The following IQSEC1 variants were observed in gnomAD, a reference collection of about 807,000 sequenced individuals.
The protein encoded by IQSEC1 is IQ motif and SEC7 domain-containing protein 1.
IQSEC1 carries 31 observed loss-of-function variants against 91.0 expected under a neutral mutation model. The ratio of observed to expected loss-of-function variants is 0.34; its 90% confidence interval spans 0.26 to 0.46. The LOEUF is 0.46. Among genes scored for constraint, IQSEC1 ranks in the 20% least tolerant of loss-of-function variants. The pLI, the probability that IQSEC1 is intolerant of heterozygous loss-of-function variation, is 1.00. For missense variants in IQSEC1, 1,388 were observed against 1,575.6 expected (o/e 0.88, Z 2.02); for synonymous variants, 699 against 662.6 (o/e 1.05, Z -0.84).
chr3:13,222,947 C>T (rs1271317595), intron 1 of IQSEC1, among the ~76,000 whole-genome samples: 1 of 152,258 alleles, frequency 6.6e-6, no homozygotes, highest in Non-Finnish European at 1.5e-5. Context: ...GACTCAGCTC[C>T]AGCCCCTCAG....
chr3:12,907,912 C>T (rs1403873319), intron 12 of IQSEC1, among the ~76,000 whole-genome samples: 1 of 152,144 alleles, frequency 6.6e-6, no homozygotes, highest in Non-Finnish European at 1.5e-5. Flanking sequence ...AAAGCAAGAC[C>T]GGGGACAGTG....
At chr3:12,918,500 TGCA>T (rs904202777) in intron 6 of IQSEC1, among the ~76,000 whole-genome samples, 3 of 151,914 alleles carry the variant, frequency 2.0e-5, no homozygotes, top group Non-Finnish European at 2.9e-5. Context: ...CCAGATGACG[TGCA>T]GGAGGTTCTA....
intron 1 of IQSEC1, among the ~76,000 whole-genome samples, chr3:12,977,585 A>T (rs921188785): frequency 6.6e-6 from 1 of 152,230 alleles, no homozygotes; most frequent in Non-Finnish European, 1.5e-5. Flanking sequence ...CCGGGGCTGC[A>T]TTCCTGGTAG....
At chr3:13,267,621 CTTT>C (rs559615780) in intron 1 of IQSEC1, among the ~76,000 whole-genome samples, 5 of 134,616 alleles carry the variant, frequency 3.7e-5, no homozygotes, top group Admixed American at 7.5e-5. Flanking sequence ...TTTTCTTTTT[CTTT>C]TTTTTTTTTT....
Position 12,983,952 on chromosome 3 carries a change from GC to G in IQSEC1, c.24-42088del, listed in dbSNP as rs1249195937. On this transcript the variant is annotated intron_variant, in intron 1 of 13. Transcript: ENST00000613206. This position sits in a 1 kb window ranked among gnomAD's most constrained non-coding sequence, Gnocchi z 4.3. ...CAAGGGGGCAGGCAGAGAGGTAAGG[GC>G]CTTTCATACGTGGGTTCTGGGGGAT... Among the ~76,000 whole-genome samples, 1 of 152,178 alleles carries G rather than the reference GC, an allele frequency of 6.6e-6. No homozygotes were observed. Among genetic ancestry groups the G allele is most frequent in the Non-Finnish European group, 1.5e-5 (1 of 68,022 alleles).
chr3:13,160,395 A>G (rs1172970868), intron 2 of IQSEC1, among the ~76,000 whole-genome samples: 1 of 152,154 alleles, frequency 6.6e-6, no homozygotes, highest in African/African-American at 2.4e-5. Flanking sequence ...TCCTGGCCTC[A>G]AATGATCTTC....
At chr3:13,055,017 C>G (rs1487853710) in intron 1 of IQSEC1, among the ~76,000 whole-genome samples, 1 of 152,216 alleles carries the variant, frequency 6.6e-6, no homozygotes, top group African/African-American at 2.4e-5. Flanking sequence ...CCTCCCAAGC[C>G]CTCAGAAGGC....
intron 1 of IQSEC1, chr3:13,022,179 G>A (rs995648787): frequency 8.1e-7 from 1 of 1,231,366 alleles, no homozygotes; most frequent in African/African-American, 1.6e-5. Context: ...CCTGGCCAGG[G>A]AACGGCTCTC....
Position 13,258,868 on chromosome 3 carries a change from G to A in IQSEC1, c.272+23843C>T, listed in dbSNP as rs1283568793. On this transcript the variant is annotated intron_variant, in intron 1 of 15. Transcript: ENST00000648114. ...GCACCAGTAACCTCCAGGAACCTAG[G>A]GAACCCCAGGATTCCACAGCATCAC... Among the ~76,000 whole-genome samples, 6 of 151,962 alleles carry A rather than the reference G, an allele frequency of 3.9e-5. No homozygotes were observed. In the East Asian group the frequency reaches 1.2e-3, roughly 29 times the overall value.
intron 1 of IQSEC1, among the ~76,000 whole-genome samples, chr3:12,964,011 G>T (rs919840743): frequency 6.6e-6 from 1 of 152,198 alleles, no homozygotes; most frequent in Non-Finnish European, 1.5e-5. Context: ...TGCTAGGCAG[G>T]CATCGGGGTA....
At chr3:13,089,532 C>T (rs1008122082) in intron 2 of IQSEC1, among the ~76,000 whole-genome samples, 4 of 152,152 alleles carry the variant, frequency 2.6e-5, no homozygotes, top group South Asian at 2.1e-4. Context: ...CTTCAGTGAG[C>T]TGTGTTTGTG....
intron 1 of IQSEC1, among the ~76,000 whole-genome samples, chr3:12,974,746 A>G (rs1339786664): frequency 1.3e-5 from 2 of 152,186 alleles, no homozygotes; most frequent in Non-Finnish European, 2.9e-5. Flanking sequence ...TGACGATCAA[A>G]AATGCCCCCA....
At chr3:13,060,866 G>A (rs201007668) in intron 1 of IQSEC1, among the ~76,000 whole-genome samples, 2 of 152,322 alleles carry the variant, frequency 1.3e-5, no homozygotes, top group East Asian at 3.9e-4. Flanking sequence ...CCAGGCCCCA[G>A]GCCTGATATC....
At chr3:12,929,029 C>T (rs1697408420) in intron 3 of IQSEC1, among the ~76,000 whole-genome samples, 1 of 152,142 alleles carries the variant, frequency 6.6e-6, no homozygotes, top group Non-Finnish European at 1.5e-5. Context: ...GAGAGGGATA[C>T]AGACGGAGAT....
At chr3:13,057,895 G>T (rs1012550783) in intron 1 of IQSEC1, among the ~76,000 whole-genome samples, 3 of 152,240 alleles carry the variant, frequency 2.0e-5, no homozygotes, top group Admixed American at 1.3e-4. Context: ...CTGCCCCCAG[G>T]CTCCCTGCAG....
At chr3:13,125,168 T>C (rs1185953659) in intron 2 of IQSEC1, among the ~76,000 whole-genome samples, 3 of 152,168 alleles carry the variant, frequency 2.0e-5, no homozygotes, top group African/African-American at 7.2e-5. Flanking sequence ...TCATCTGTCT[T>C]CCACATCCTT....
chr3:13,086,732 A>G (rs1283635567), intron 2 of IQSEC1, among the ~76,000 whole-genome samples: 12 of 152,090 alleles, frequency 7.9e-5, no homozygotes, highest in Non-Finnish European at 1.0e-4. Context: ...CTCTCTCTTC[A>G]GGTCTCAGCT....
intron 1 of IQSEC1, among the ~76,000 whole-genome samples, chr3:13,058,811 A>C (rs1704966287): frequency 6.6e-6 from 1 of 152,204 alleles, no homozygotes; most frequent in Non-Finnish European, 1.5e-5. Flanking sequence ...AGTGTTCCCC[A>C]TGCATCTGTC....
intron 1 of IQSEC1, among the ~76,000 whole-genome samples, chr3:13,213,536 A>T (rs1694483870): frequency 6.6e-6 from 1 of 152,178 alleles, no homozygotes; most frequent in African/African-American, 2.4e-5. Context: ...GAATCAGCTC[A>T]TCACCCACGT....
Sources: allele counts gnomAD v4.1 joint callset (sites outside exome capture counted in the v4.1 genomes callset), GRCh38; gene constraint gnomAD v4.1.1; non-coding constraint Gnocchi (gnomAD v3.1); transcripts MANE v1.5; gene names NCBI Gene and HGNC (gene_info 2026-07-23, HGNC 2026-07-21).